Variants in FANCA observed in about 807,000 individuals in gnomAD.
FANCA encodes the protein Fanconi anemia group A protein.
FANCA carries 236 observed loss-of-function variants against 194.3 expected under a neutral mutation model. The ratio of observed to expected loss-of-function variants is 1.21; its 90% CI spans 1.09 to 1.35. The LOEUF (loss-of-function observed/expected upper bound fraction) is 1.35. Among genes scored for constraint, FANCA ranks in the 40% most tolerant of loss-of-function variants. The pLI is 0.00. For missense variants in FANCA, 2,628 were observed against 1,813.9 expected (o/e 1.45, Z -8.15); for synonymous variants, 1,014 against 715.8 (o/e 1.42, Z -6.65).
chr16:89,779,118 T>C, intron 18 of FANCA, 115 bp from the exon 19 acceptor site: 7 of 948,266 alleles, frequency 7.4e-6, no homozygotes, highest in Admixed American at 2.0e-5. Flanking sequence ...AAAGCCACGA[T>C]GCATTATGAA....
chr16:89,784,871 A>C lies in FANCA; in HGVS notation c.1453T>G (p.Ser485Ala). The change falls in exon 15 of 43, where the codon TCT (serine) becomes GCT (alanine). Residue 485 changes from serine to alanine, a missense_variant. Ser to Ala is a moderately conservative substitution (Grantham distance 99). Coordinates refer to ENST00000389301, the MANE Select transcript of FANCA (RefSeq NM_000135.4). ...TFLSELVPFE[S>A]PRYLQVHILH... is the part of the protein sequence containing the mutation. Reference sequence around the variant, plus strand: ...CTTCTCACCTGCAGGTACCGGGGAGACTCAAAAGGCACGAGTTCTGACAAG... The same window carrying C: ...CTTCTCACCTGCAGGTACCGGGGAGCCTCAAAAGGCACGAGTTCTGACAAG... 6.2e-7 allele frequency: 1 copy of C among 1,613,724 alleles called. No homozygotes were observed. Among genetic ancestry groups the C allele is most frequent in the Non-Finnish European group, 8.5e-7 (1 of 1,179,684 alleles).
intron 10 of FANCA, among the ~76,000 whole-genome samples, chr16:89,796,550 A>C (rs1009704040): frequency 1.3e-5 from 2 of 152,176 alleles, no homozygotes; most frequent in African/African-American, 4.8e-5. Flanking sequence ...GTGTGAGAGA[A>C]CACGATGTTC....
chr16:89,791,573 G>A (rs1317889696), intron 13 of FANCA, 37 bp from the exon 14 acceptor site: 13 of 1,612,578 alleles, frequency 8.1e-6, no homozygotes, highest in Non-Finnish European at 1.0e-5. Flanking sequence ...AGCAAGGCAA[G>A]GGCAGCCAGC....
At chr16:89,791,786 C>T (rs965452340) in intron 13 of FANCA, 141 bp downstream of exon 13, 1 of 1,129,674 alleles carries the variant, frequency 8.9e-7, no homozygotes, top group Non-Finnish European at 1.3e-6. Context: ...AAAGAATGTT[C>T]CATCGACAGG....
chr16:89,769,312 G>C (rs916702903), intron 26 of FANCA, among the ~76,000 whole-genome samples: 2 of 152,208 alleles, frequency 1.3e-5, no homozygotes, highest in Non-Finnish European at 2.9e-5. Context: ...AAGGGATTCT[G>C]TCCTGGCTTC....
intron 36 of FANCA, among the ~76,000 whole-genome samples, chr16:89,743,824 A>C (rs961657435): frequency 1.4e-4 from 21 of 152,116 alleles, no homozygotes; most frequent in African/African-American, 5.1e-4. Context: ...ACTCTGTCTC[A>C]AACAAAACAA....
intron 29 of FANCA, among the ~76,000 whole-genome samples, chr16:89,760,825 CCTGT>C (rs1319012152): frequency 6.6e-6 from 1 of 152,162 alleles, no homozygotes; most frequent in African/African-American, 2.4e-5. Flanking sequence ...CTCACACGGC[CCTGT>C]CTGTTATCTC....
chr16:89,791,570 C>A (rs758521432), intron 13 of FANCA, 34 bp from the exon 14 acceptor site: 2 of 1,612,810 alleles, frequency 1.2e-6, no homozygotes, highest in Non-Finnish European at 1.7e-6. Flanking sequence ...CACAGCAAGG[C>A]AAGGGCAGCC....
intron 30 of FANCA, among the ~76,000 whole-genome samples, chr16:89,757,922 G>C (rs1485456636): frequency 2.6e-5 from 4 of 152,054 alleles, no homozygotes; most frequent in Non-Finnish European, 5.9e-5. Context: ...CTGTCGCCCA[G>C]TCGGCTCACT....
At chr16:89,783,191 T>C (rs1011459556) in intron 15 of FANCA, 89 bp from the exon 16 acceptor site, 3 of 925,354 alleles carry the variant, frequency 3.2e-6, no homozygotes, top group African/African-American at 1.6e-5. Flanking sequence ...ACATCCACAG[T>C]GCTGAGTAGA....
chr16:89,743,056 A>G, intron 36 of FANCA, 118 bp from the exon 37 acceptor site: 1 of 1,248,018 alleles, frequency 8.0e-7, no homozygotes, highest in Non-Finnish European at 1.1e-6. Flanking sequence ...CAGAGGACAG[A>G]GAAGGGTTTC....
intron 39 of FANCA, 180 bp from the exon 40 acceptor site, chr16:89,739,733 G>A (rs915634612): frequency 1.2e-4 from 174 of 1,496,262 alleles, no homozygotes; most frequent in Middle Eastern, 6.3e-4. Context: ...AGGATGGGGG[G>A]GTCGACCTCT....
chr16:89,740,830 G>C lies in FANCA; in HGVS notation c.3802C>G (p.Leu1268Val). The C allele has an allele frequency of 1.9e-6, 3 of 1,613,666 alleles. No individual in the cohort carries two copies. Among genetic ancestry groups the C allele is most frequent in the Non-Finnish European group, 2.5e-6 (3 of 1,179,770 alleles). ...VFLFFFSLMG[L>V]LSSHLTSNST... is the part of the protein sequence containing the mutation. ...TTTGAGGTCAGATGTGACGACAGCAGGCCCATCAAGGAGAAGAAGAAAAGG... is the reference window on the plus strand; with the variant it reads ...TTTGAGGTCAGATGTGACGACAGCACGCCCATCAAGGAGAAGAAGAAAAGG... Residue 1268 changes from leucine to valine, a missense_variant, in exon 38 of 43, where the codon CTG (leucine) becomes GTG (valine). Coordinates refer to ENST00000389301, the MANE Select transcript of FANCA (RefSeq NM_000135.4).
chr16:89,757,775 G>A (rs1207916024), intron 30 of FANCA, among the ~76,000 whole-genome samples: 2 of 152,248 alleles, frequency 1.3e-5, no homozygotes, highest in African/African-American at 4.8e-5. Flanking sequence ...CTCTCAGATG[G>A]AGAGAGGCTG....
chr16:89,794,553 CATAAA>C (rs758217193), intron 11 of FANCA, among the ~76,000 whole-genome samples: 14 of 151,980 alleles, frequency 9.2e-5, no homozygotes, highest in African/African-American at 3.1e-4. Context: ...TAAATAAATA[CATAAA>C]ATAAGATAAA....
intron 22 of FANCA, among the ~76,000 whole-genome samples, chr16:89,772,458 A>C (rs1404368685): frequency 6.6e-6 from 1 of 152,220 alleles, no homozygotes; most frequent in East Asian, 1.9e-4. Context: ...GTGAGCTGAG[A>C]TCACGCCACT....
chr16:89,797,564 GTTGGAGGATGTCTGATT>G (rs2040292097), intron 10 of FANCA, among the ~76,000 whole-genome samples: 1 of 152,100 alleles, frequency 6.6e-6, no homozygotes, highest in Admixed American at 6.6e-5. Context: ...CACCAAGACT[GTTGGAGGATGTCTGATT>G]TTAAATTATT....
At chr16:89,776,710 AGTCTCAGCTACTTGGTAGGCTGAG>A (rs2039518920) in intron 20 of FANCA, among the ~76,000 whole-genome samples, 1 of 151,986 alleles carries the variant, frequency 6.6e-6, no homozygotes, top group African/African-American at 2.4e-5. Context: ...GGGCGCCTGC[AGTCTCAGCTACTTGGTAGGCTGAG>A]GTGGGAGAAT....
At chr16:89,799,054 G>C (rs761214451) in intron 10 of FANCA, 112 bp downstream of exon 10, 45 of 1,614,118 alleles carry the variant, frequency 2.8e-5, no homozygotes, top group Non-Finnish European at 3.6e-5. Flanking sequence ...CAGAGGAAGT[G>C]TGCTCAGGAG....
Sources: gnomAD v4.1 joint callset for allele counts (sites outside exome capture counted in the v4.1 genomes callset) on GRCh38, gnomAD v4.1.1 for gene constraint, MANE v1.5 for transcripts, NCBI Gene and HGNC (gene_info 2026-07-23, HGNC 2026-07-21) for gene names.